TNNI3K: variants seen among roughly 807,000 people sequenced by gnomAD.
TNNI3K encodes the protein TNNI3 interacting kinase, also known as serine/threonine-protein kinase TNNI3K.
A neutral mutation model predicts 114.5 loss-of-function variants in TNNI3K; 140 were observed. The observed-to-expected ratio is 1.22, with a 90% CI of 1.07 to 1.41. The LOEUF is 1.41. Among genes scored for constraint, TNNI3K ranks in the 40% most tolerant of loss-of-function variants. The probability of loss-of-function intolerance (pLI) is 0.00; values close to 1 mark genes in which losing one functional copy is unlikely to be tolerated. For synonymous variants in TNNI3K, 347 were observed against 347.5 expected (o/e 1.00, Z 0.02); for missense variants, 1,125 against 1,007.6 (o/e 1.12, Z -1.58).
chr1:74,299,982 A>G (rs181914714), intron 5 of TNNI3K, among the ~76,000 whole-genome samples: 1 of 152,306 alleles, frequency 6.6e-6, no homozygotes, highest in East Asian at 1.9e-4. Flanking sequence ...TTTTGTTCAT[A>G]TTCAAGAAGT....
chr1:74,397,743 GATATGCAGCATATC>G (rs1362084931), intron 17 of TNNI3K, among the ~76,000 whole-genome samples: 2 of 152,172 alleles, frequency 1.3e-5, no homozygotes, highest in Non-Finnish European at 2.9e-5. Flanking sequence ...CATCCCAAGT[GATATGCAGCATATC>G]ATATGTTATG....
chr1:74,310,481 T>G (rs1232229412), intron 5 of TNNI3K, among the ~76,000 whole-genome samples: 3 of 152,036 alleles, frequency 2.0e-5, no homozygotes, highest in African/African-American at 7.2e-5. Context: ...AAAACTCACA[T>G]GGAACCAAAA....
chr1:74,324,721 T>C (rs1292130942), intron 5 of TNNI3K, among the ~76,000 whole-genome samples: 2 of 152,178 alleles, frequency 1.3e-5, no homozygotes, highest in Admixed American at 1.3e-4. Flanking sequence ...GAGACCATTA[T>C]GCTAAAGCTT....
At chr1:74,342,212 G>A (rs1326346198) in intron 7 of TNNI3K, among the ~76,000 whole-genome samples, 1 of 152,096 alleles carries the variant, frequency 6.6e-6, no homozygotes, top group African/African-American at 2.4e-5. Context: ...GTGTTTCAAC[G>A]AGAAGGACAC....
intron 5 of TNNI3K, among the ~76,000 whole-genome samples, chr1:74,272,160 T>C (rs1392695763): frequency 6.6e-6 from 1 of 151,980 alleles, no homozygotes; most frequent in Non-Finnish European, 1.5e-5. Context: ...ACTTATGTAT[T>C]ACTTGAATGA....
chr1:74,456,718 G>C (rs11210463), intron 20 of TNNI3K, among the ~76,000 whole-genome samples: 104,116 of 152,008 alleles, frequency 0.68, 39,150 homozygotes, highest in Middle Eastern at 0.86. Context: ...TCTGTGTCCT[G>C]GGATTCCTTA....
At chr1:74,521,268 T>C (rs1454670753) in intron 23 of TNNI3K, among the ~76,000 whole-genome samples, 1 of 152,186 alleles carries the variant, frequency 6.6e-6, no homozygotes, top group Non-Finnish European at 1.5e-5. Flanking sequence ...CCCAAGCTCA[T>C]TAACTTCTTT....
intron 20 of TNNI3K, among the ~76,000 whole-genome samples, chr1:74,452,551 C>A (rs562870151): frequency 6.6e-6 from 1 of 152,262 alleles, no homozygotes; most frequent in East Asian, 1.9e-4. Flanking sequence ...ACTGCTACTT[C>A]CTTATTTCAC....
intron 17 of TNNI3K, among the ~76,000 whole-genome samples, chr1:74,384,282 T>C (rs547585596): frequency 3.9e-5 from 6 of 152,176 alleles, no homozygotes; most frequent in Non-Finnish European, 8.8e-5. Context: ...GTGCTGTAGA[T>C]AATTATTTGC....
intron 5 of TNNI3K, among the ~76,000 whole-genome samples, chr1:74,305,818 T>C (rs762441475): frequency 6.6e-6 from 1 of 152,226 alleles, no homozygotes; most frequent in Non-Finnish European, 1.5e-5. Flanking sequence ...ATTTAATATA[T>C]AAAATACACA....
intron 21 of TNNI3K, chr1:74,480,743 T>G (rs1289656732): frequency 2.8e-6 from 2 of 717,370 alleles, no homozygotes; most frequent in Non-Finnish European, 5.2e-6. Flanking sequence ...GCTGTGAAGC[T>G]TGCTGAAGGT....
At position 74,392,767 on chromosome 1, in the gene TNNI3K, C is replaced by A. The variant is rs574125545; in HGVS notation, c.1772+22375C>A. On this transcript the variant is annotated intron_variant, in intron 17 of 24. Transcript: ENST00000326637. ...ACCTCCCGAAATGCATAATTTTTCC[C>A]CTTTATCATTTTTGAAACGAATGAA... is the stretch of plus-strand genomic sequence containing the variant. Among the ~76,000 whole-genome samples, 4 of 152,208 alleles carry A rather than the reference C, an allele frequency of 2.6e-5. No individual in the cohort carries two copies. The South Asian group carries it at 8.3e-4, about 32-fold the overall frequency.
At chr1:74,273,733 G>A (rs1198618107) in intron 5 of TNNI3K, among the ~76,000 whole-genome samples, 1 of 151,760 alleles carries the variant, frequency 6.6e-6, no homozygotes, top group Non-Finnish European at 1.5e-5. Context: ...CTCTTGCCTT[G>A]CAATTCTTCA....
chr1:74,338,393 T>C (rs1389598706), intron 7 of TNNI3K, among the ~76,000 whole-genome samples: 2 of 152,090 alleles, frequency 1.3e-5, no homozygotes, highest in African/African-American at 2.4e-5. Flanking sequence ...ACTATAGGTA[T>C]TGAAAAATTT....
intron 21 of TNNI3K, among the ~76,000 whole-genome samples, chr1:74,485,590 T>C (rs1668716629): frequency 6.6e-6 from 1 of 152,174 alleles, no homozygotes; most frequent in African/African-American, 2.4e-5. Flanking sequence ...GTGAATATGA[T>C]GAGATATTAC....
At chr1:74,462,460 C>A (rs997501486) in intron 20 of TNNI3K, among the ~76,000 whole-genome samples, 4 of 152,262 alleles carry the variant, frequency 2.6e-5, no homozygotes, top group African/African-American at 9.6e-5. Flanking sequence ...GTGTTGATTA[C>A]AGAGTATATT....
At chr1:74,290,314 A>C (rs1317630571) in intron 5 of TNNI3K, among the ~76,000 whole-genome samples, 1 of 150,972 alleles carries the variant, frequency 6.6e-6, no homozygotes, top group African/African-American at 2.4e-5. Flanking sequence ...CTACACTTTT[A>C]TAATATTTGT....
intron 17 of TNNI3K, among the ~76,000 whole-genome samples, chr1:74,405,378 G>A (rs909085900): frequency 6.6e-6 from 1 of 152,104 alleles, no homozygotes; most frequent in East Asian, 1.9e-4. Flanking sequence ...GGAACTATGA[G>A]GAGTCATTAA....
intron 21 of TNNI3K, among the ~76,000 whole-genome samples, chr1:74,487,777 T>A (rs2100287102): frequency 1.3e-5 from 2 of 152,280 alleles, no homozygotes; most frequent in East Asian, 3.9e-4. Context: ...AAAAAGCTCT[T>A]GTTTTATTTT....
Sources: gnomAD v4.1 joint callset for allele counts (sites outside exome capture counted in the v4.1 genomes callset) on GRCh38, gnomAD v4.1.1 for gene constraint, MANE v1.5 for transcripts, NCBI Gene and HGNC (gene_info 2026-07-23, HGNC 2026-07-21) for gene names.